The following RFC3 variants were observed in gnomAD, a reference collection of about 807,000 sequenced individuals.
The protein encoded by RFC3 is replication factor C subunit 3.
RFC3 carries 41 observed loss-of-function variants against 45.1 expected under a neutral mutation model. That is an observed-to-expected ratio of 0.91 (90% CI 0.71 to 1.18). The LOEUF is 1.18. RFC3 is among the 50% of genes most tolerant of loss of function. The pLI, the probability that RFC3 is intolerant of heterozygous loss-of-function variation, is 0.00. For synonymous variants in RFC3, 149 were observed against 144.0 expected (o/e 1.03, Z -0.25); for missense variants, 423 against 428.1 (o/e 0.99, Z 0.10).
intron 8 of RFC3, among the ~76,000 whole-genome samples, chr13:33,860,069 A>G (rs2082331286): frequency 6.6e-6 from 1 of 152,172 alleles, no homozygotes; most frequent in Non-Finnish European, 1.5e-5. Flanking sequence ...GAAGGTGGTC[A>G]TCTGCAAGCC....
chr13:33,820,095 A>G (rs3135548), intron 1 of RFC3, among the ~76,000 whole-genome samples: 2,051 of 152,288 alleles, frequency 0.013, 45 homozygotes, highest in African/African-American at 0.045. Flanking sequence ...ACCTTACAAG[A>G]CTTTATGCTC....
At chr13:33,876,572 A>G (rs2082448315) in intron 8 of RFC3, among the ~76,000 whole-genome samples, 1 of 152,240 alleles carries the variant, frequency 6.6e-6, no homozygotes, top group East Asian at 1.9e-4. Context: ...AAACTGAGCC[A>G]TAGATAGTTT....
intron 8 of RFC3, among the ~76,000 whole-genome samples, chr13:33,911,964 T>TA (rs1233470537): frequency 6.6e-6 from 1 of 152,136 alleles, no homozygotes; most frequent in African/African-American, 2.4e-5. Context: ...CACTTGATAC[T>TA]ACCACTTCTC....
At chr13:33,966,175 G>A (rs1218005807) in exon 9 of RFC3, 7 of 1,456,528 alleles carry the variant, frequency 4.8e-6, no homozygotes, top group African/African-American at 1.4e-5. Context: ...TCATCTTTTA[G>A]CATGTGAAGT....
At chr13:33,897,228 A>T (rs972845836) in intron 8 of RFC3, among the ~76,000 whole-genome samples, 57 of 152,196 alleles carry the variant, frequency 3.7e-4, no homozygotes, top group Non-Finnish European at 6.6e-4. Flanking sequence ...CAATATAAAA[A>T]TATGTAAATT....
At chr13:33,831,678 G>A (rs913044478) in intron 7 of RFC3, among the ~76,000 whole-genome samples, 9 of 143,778 alleles carry the variant, frequency 6.3e-5, no homozygotes, top group African/African-American at 1.6e-4. Flanking sequence ...GATAATGTGC[G>A]TAGCTTTCTA....
chr13:33,834,527 G>A (rs1045116700), intron 7 of RFC3, among the ~76,000 whole-genome samples: 3 of 151,408 alleles, frequency 2.0e-5, no homozygotes, highest in Admixed American at 1.3e-4. Flanking sequence ...GCCTGGTTGC[G>A]TGCTTACCTG....
intron 8 of RFC3, among the ~76,000 whole-genome samples, chr13:33,880,787 G>T (rs1440733070): frequency 1.3e-5 from 2 of 152,148 alleles, no homozygotes; most frequent in South Asian, 2.1e-4. Flanking sequence ...GATGTTAGTG[G>T]CTGGGCACGG....
exon 9 of RFC3, chr13:33,966,373 A>G: frequency 1.9e-6 from 1 of 537,420 alleles, no homozygotes; most frequent in East Asian, 2.9e-5. Flanking sequence ...CTCCTCTGTA[A>G]TGATCAGATG....
chr13:33,941,768 G>A (rs1484980215), intron 8 of RFC3, among the ~76,000 whole-genome samples: 1 of 151,742 alleles, frequency 6.6e-6, no homozygotes, highest in Admixed American at 6.6e-5. Context: ...CTTCTTGAAT[G>A]TATGGGTTGA....
chr13:33,960,849 A>C (rs2083052430), intron 8 of RFC3, among the ~76,000 whole-genome samples: 3 of 152,168 alleles, frequency 2.0e-5, no homozygotes, highest in African/African-American at 7.2e-5. Context: ...GAAATCTGCC[A>C]ATGATCTCTG....
chr13:33,846,124 T>A (rs2082235068), intron 8 of RFC3: 2 of 151,956 alleles, frequency 1.3e-5, no homozygotes, highest in South Asian at 4.1e-4. Context: ...ACAAATGGAG[T>A]TTCTGTCTCT....
intron 8 of RFC3, among the ~76,000 whole-genome samples, chr13:33,907,936 T>TTA (rs2082681009): frequency 6.6e-6 from 1 of 152,024 alleles, no homozygotes; most frequent in Non-Finnish European, 1.5e-5. Flanking sequence ...TTTTAAAAAA[T>TTA]TCTTTCTTTT....
At chr13:33,923,813 A>G (rs2082784720) in intron 8 of RFC3, among the ~76,000 whole-genome samples, 1 of 152,064 alleles carries the variant, frequency 6.6e-6, no homozygotes, top group Non-Finnish European at 1.5e-5. Flanking sequence ...CACCAAGGAG[A>G]GCTTTCTAAG....
At chr13:33,824,483 C>T (rs2296345) in intron 3 of RFC3, among the ~76,000 whole-genome samples, 105,865 of 151,970 alleles carry the variant, frequency 0.7, 41,724 homozygotes, top group Non-Finnish European at 0.9. Context: ...GTTGGAGAGG[C>T]GTTGAAAATT....
chr13:33,854,453 A>G (rs899555503), intron 8 of RFC3, among the ~76,000 whole-genome samples: 3 of 152,242 alleles, frequency 2.0e-5, no homozygotes. Flanking sequence ...GAAATTAAAT[A>G]CCAATGCATC....
At position 33,960,678 on chromosome 13, in the gene RFC3, A is replaced by AGTAG. The variant is rs771096257; in HGVS notation, c.880-5409_880-5408insGTAG. Among the ~76,000 whole-genome samples, 4 of 15,990 alleles carry AGTAG rather than the reference A, an allele frequency of 2.5e-4. No homozygotes were observed. The Non-Finnish European group carries it at 5.8e-3, about 23-fold the overall frequency. 10.5% of individuals were successfully genotyped at this position (15,990 alleles called of 152,430 possible). A position where few individuals can be genotyped will look rare whatever the true frequency, so the allele number is the denominator to read the frequency against. Reference sequence around the variant, plus strand: ...ATCAGTACACAGAAGGAGAATGACAAATAGCCCTGGGAGGTGCAGGCTCCC... The same window carrying AGTAG: ...ATCAGTACACAGAAGGAGAATGACAAGTAGATAGCCCTGGGAGGTGCAGGCTCCC... On this transcript the variant is annotated intron_variant, in intron 8 of 8. Coordinates refer to the RFC3 transcript ENST00000434425.
intron 4 of RFC3, among the ~76,000 whole-genome samples, chr13:33,827,358 T>A (rs2082059719): frequency 6.6e-6 from 1 of 152,162 alleles, no homozygotes; most frequent in Non-Finnish European, 1.5e-5. Context: ...GAATTTGCTG[T>A]TTTCTGCCTA....
intron 8 of RFC3, among the ~76,000 whole-genome samples, chr13:33,842,702 G>A (rs1180712121): frequency 6.6e-6 from 1 of 152,164 alleles, no homozygotes; most frequent in African/African-American, 2.4e-5. Context: ...CAGGCAGAAA[G>A]CCAGAATGAT....
Sources: allele counts gnomAD v4.1 joint callset (sites outside exome capture counted in the v4.1 genomes callset), GRCh38; gene constraint gnomAD v4.1.1; transcripts MANE v1.5; gene names NCBI Gene and HGNC (gene_info 2026-07-23, HGNC 2026-07-21).